The following TNFAIP8 variants were observed in gnomAD, a reference collection of about 807,000 sequenced individuals.
TNFAIP8 encodes TNF alpha induced protein 8.
A neutral mutation model predicts 13.3 loss-of-function variants in TNFAIP8; 7 were observed. The observed-to-expected ratio is 0.52, with a 90% confidence interval of 0.30 to 0.99. The LOEUF (loss-of-function observed/expected upper bound fraction) is 0.99, where lower values mean the gene tolerates loss of function less well. Among genes scored for constraint, TNFAIP8 ranks in the 50% least tolerant of loss-of-function variants. The pLI is 0.07. For missense variants in TNFAIP8, 258 were observed against 236.9 expected (o/e 1.09, Z -0.58); for synonymous variants, 94 against 87.6 (o/e 1.07, Z -0.41).
At chr5:119,287,536 AT>A (rs1407662417) in intron 1 of TNFAIP8, among the ~76,000 whole-genome samples, 1 of 152,106 alleles carries the variant, frequency 6.6e-6, no homozygotes, top group Non-Finnish European at 1.5e-5. Flanking sequence ...GCCGTGCTGT[AT>A]ATTAGATCTC....
intron 1 of TNFAIP8, among the ~76,000 whole-genome samples, chr5:119,271,016 A>T (rs545959888): frequency 7.2e-5 from 11 of 152,214 alleles, no homozygotes; most frequent in African/African-American, 2.6e-4. Context: ...TTGTCTCTTA[A>T]TTTTCTATTT....
chr5:119,312,745 C>CAAAAAAAAAAAAAAA (rs869226026), intron 1 of TNFAIP8, among the ~76,000 whole-genome samples: 2 of 43,360 alleles, frequency 4.6e-5, no homozygotes, highest in Admixed American at 2.9e-4. Flanking sequence ...GCAAAAAATA[C>CAAAAAAAAAAAAAAA]AAAAAAAAAA....
chr5:119,340,760 T>G (rs995199216), intron 1 of TNFAIP8, among the ~76,000 whole-genome samples: 1 of 152,326 alleles, frequency 6.6e-6, no homozygotes, highest in African/African-American at 2.4e-5. Context: ...GTGCTGCAGA[T>G]GTCTTAAATA....
chr5:119,389,900 G>T (rs929812001), intron 1 of TNFAIP8, among the ~76,000 whole-genome samples: 1 of 152,190 alleles, frequency 6.6e-6, no homozygotes, highest in African/African-American at 2.4e-5. Context: ...AGTAAATGGG[G>T]AATGATCTTG....
intron 1 of TNFAIP8, among the ~76,000 whole-genome samples, chr5:119,326,193 T>G (rs1345743445): frequency 1.3e-5 from 2 of 152,134 alleles, no homozygotes; most frequent in Non-Finnish European, 2.9e-5. Context: ...CGTTTAGGAA[T>G]GTGTGGTGTA....
At position 119,394,697 on chromosome 5, in the gene TNFAIP8, C is replaced by G. The variant is rs911907385; in HGVS notation, c.*1316C>G. ...TTTTGGCTCACTGCAACCTCTGCCT[C>G]CCAGGTTCAAGTGATTCTCCTGCCT... On this transcript the variant is annotated 3_prime_UTR_variant, in exon 2 of 2. Transcript: ENST00000504771. 1 of 149,608 alleles carries G rather than the reference C, an allele frequency of 6.7e-6. No individual in the cohort carries two copies. The highest frequency in any genetic ancestry group is 2.0e-4 in the East Asian group (1 of 5,050). The allele number at this position is 149,608 out of a possible 1,614,324, so 9.3% of individuals were successfully genotyped here.
intron 1 of TNFAIP8, among the ~76,000 whole-genome samples, chr5:119,310,871 G>C (rs1749708961): frequency 1.3e-5 from 2 of 152,002 alleles, no homozygotes; most frequent in Admixed American, 6.5e-5. Flanking sequence ...TGAGAGCAGG[G>C]GTTGGCCCTT....
chr5:119,331,149 T>C (rs1235660147), intron 1 of TNFAIP8, among the ~76,000 whole-genome samples: 1 of 152,066 alleles, frequency 6.6e-6, no homozygotes, highest in Non-Finnish European at 1.5e-5. Context: ...TGTTGATCCC[T>C]GAACCTACCT....
At chr5:119,306,302 T>TTTTC (rs1228366193) in intron 1 of TNFAIP8, 3 of 149,530 alleles carry the variant, frequency 2.0e-5, no homozygotes, top group African/African-American at 5.1e-5. Flanking sequence ...CTCTTTTCTT[T>TTTTC]TTTCTTTCTT....
chr5:119,301,320 T>C (rs1749384272), intron 1 of TNFAIP8, among the ~76,000 whole-genome samples: 1 of 152,184 alleles, frequency 6.6e-6, no homozygotes, highest in Non-Finnish European at 1.5e-5. Context: ...TTCTTACCCC[T>C]CTGTCAGTTG....
At chr5:119,333,640 A>G in intron 1 of TNFAIP8, 1 of 1,529,612 alleles carries the variant, frequency 6.5e-7, no homozygotes, top group Non-Finnish European at 8.8e-7. Flanking sequence ...AGGTGAGTTA[A>G]AACGGCCTTC....
At chr5:119,377,991 G>A (rs1311818064) in intron 1 of TNFAIP8, among the ~76,000 whole-genome samples, 2 of 152,230 alleles carry the variant, frequency 1.3e-5, no homozygotes, top group Non-Finnish European at 2.9e-5. Context: ...AAAGGAGGCA[G>A]CCATAATTTA....
chr5:119,318,919 G>A (rs531666661), intron 1 of TNFAIP8, among the ~76,000 whole-genome samples: 22 of 152,180 alleles, frequency 1.4e-4, no homozygotes, highest in African/African-American at 4.6e-4. Context: ...ACTTCCAGTG[G>A]TTGGAATGTT....
In TNFAIP8 at chr5:119,397,295, C is replaced by G. The variant is rs1422640749; in HGVS notation, c.*3914C>G. On this transcript the variant is annotated 3_prime_UTR_variant, in exon 2 of 2. Coordinates refer to ENST00000504771, the MANE Select transcript of TNFAIP8 (RefSeq NM_014350.4). ...TTGCAATTTAGCATACAAAACCTGA[C>G]AAATGGTAAATAAAAGAATATGTTT... 1 of 151,882 alleles carries G rather than the reference C, an allele frequency of 6.6e-6. No homozygotes were observed. Among genetic ancestry groups the G allele is most frequent in the South Asian group, 2.1e-4 (1 of 4,824 alleles). 9.4% of individuals were successfully genotyped at this position (151,882 alleles called of 1,614,324 possible). A position where few individuals can be genotyped will look rare whatever the true frequency, so the allele number is the denominator to read the frequency against.
chr5:119,390,649 AC>A (rs1752857054), intron 1 of TNFAIP8, among the ~76,000 whole-genome samples: 1 of 152,028 alleles, frequency 6.6e-6, no homozygotes, highest in African/African-American at 2.4e-5. Flanking sequence ...TTGTGAGGGG[AC>A]CCTTTCTTAT....
intron 1 of TNFAIP8, among the ~76,000 whole-genome samples, chr5:119,287,738 G>C (rs2150808703): frequency 6.6e-6 from 1 of 152,154 alleles, no homozygotes; most frequent in Non-Finnish European, 1.5e-5. Flanking sequence ...TTCATTTTTA[G>C]GATTTGCCTA....
chr5:119,296,073 C>A (rs1313231052), intron 1 of TNFAIP8, among the ~76,000 whole-genome samples: 29 of 149,458 alleles, frequency 1.9e-4, no homozygotes, highest in Admixed American at 1.9e-3. Flanking sequence ...CATCTGCAAA[C>A]AGGGACAATT....
At chr5:119,275,104 A>G (rs980211496) in intron 1 of TNFAIP8, among the ~76,000 whole-genome samples, 1 of 152,026 alleles carries the variant, frequency 6.6e-6, no homozygotes, top group African/African-American at 2.4e-5. Context: ...ACAACATATA[A>G]AATAAACACA....
intron 1 of TNFAIP8, among the ~76,000 whole-genome samples, chr5:119,300,058 T>C (rs953619477): frequency 1.3e-5 from 2 of 152,254 alleles, no homozygotes; most frequent in African/African-American, 4.8e-5. Flanking sequence ...CCCCTTGTGC[T>C]TCCCGAGTGA....
Sources: gnomAD v4.1 joint callset for allele counts (sites outside exome capture counted in the v4.1 genomes callset) on GRCh38, gnomAD v4.1.1 for gene constraint, MANE v1.5 for transcripts, NCBI Gene and HGNC (gene_info 2026-07-23, HGNC 2026-07-21) for gene names.